CENPU: variants seen among roughly 807,000 people sequenced by gnomAD.
The protein encoded by CENPU is centromere protein U, also known as KSHV latent nuclear antigen interacting protein 1.
In CENPU, 46 loss-of-function variants were observed where a neutral mutation model predicts 56.7. That is an observed-to-expected ratio of 0.81 (90% CI 0.64 to 1.04). The LOEUF is 1.04. Ranked by LOEUF, CENPU falls within the 50% of genes least tolerant of loss-of-function variation. CENPU has a pLI of 0.00. For synonymous variants in CENPU, 166 were observed against 163.0 expected (o/e 1.02, Z -0.14); for missense variants, 510 against 490.1 (o/e 1.04, Z -0.38).
chr4:184,733,332 A>G lies in CENPU; in HGVS notation c.47+684T>C. ...CAGGCAGCCTTCCCAGGCCCGGGGG[A>G]ACTCCTGTTCTCTTCAGATCGTCTT... is the stretch of plus-strand genomic sequence containing the variant. On this transcript the variant is annotated intron_variant, in intron 1 of 12. Transcript: ENST00000281453. The G allele has an allele frequency of 4.1e-6, 4 of 985,996 alleles. 1 individual carries two copies. The South Asian group carries it at 1.9e-4, about 46-fold the overall frequency. 61.1% of individuals were successfully genotyped at this position (985,996 alleles called of 1,614,324 possible).
intron 4 of CENPU, among the ~76,000 whole-genome samples, chr4:184,719,651 C>T (rs1348379044): frequency 1.3e-5 from 2 of 152,180 alleles, no homozygotes; most frequent in African/African-American, 4.8e-5. Flanking sequence ...CCTACTGAGA[C>T]ACCAACTGGT....
rs748627751 is a variant in CENPU, at chr4:184,695,373, A to G, written c.1172T>C (p.Leu391Ser). Residue 391 changes from leucine (L) to serine (S), a missense_variant, in exon 13 of 13, where the codon TTA (leucine) becomes TCA (serine). By Grantham distance (145) the Leu-to-Ser change is moderately radical. Transcript: ENST00000281453. ...TCCCAGAAGTGTTCTTGCTTTAAAT[A>G]ACAGAGCTGGAAGGCTGGATGAATC... ...TYDSSSLPAL[L>S]FKARTLLGAE... 6 of 1,613,140 alleles carry G rather than the reference A, an allele frequency of 3.7e-6. No homozygotes were observed. The East Asian group carries it at 6.7e-5, about 18-fold the overall frequency.
chr4:184,702,582 TTAA>T, intron 8 of CENPU, 141 bp from the exon 9 acceptor site: 1 of 550,162 alleles, frequency 1.8e-6, no homozygotes, highest in Non-Finnish European at 3.1e-6. Context: ...TCTCTTATTT[TTAA>T]TAATCTCAAT....
chr4:184,697,617 A>G, intron 12 of CENPU, 30 bp downstream of exon 12: 2 of 1,607,244 alleles, frequency 1.2e-6, no homozygotes, highest in Non-Finnish European at 1.7e-6. Flanking sequence ...TCATCTTCTG[A>G]AGCATGGTAA....
At chr4:184,714,169 T>C (rs770672334) in intron 6 of CENPU, among the ~76,000 whole-genome samples, 4 of 152,016 alleles carry the variant, frequency 2.6e-5, no homozygotes, top group African/African-American at 4.8e-5. Flanking sequence ...GCCAGTGAAA[T>C]ATCCTTCAAA....
At chr4:184,722,695 C>A (rs1269886422) in intron 4 of CENPU, among the ~76,000 whole-genome samples, 9 of 140,226 alleles carry the variant, frequency 6.4e-5, no homozygotes, top group Non-Finnish European at 1.1e-4. Flanking sequence ...CCAGTAAAAA[C>A]AAAACAAAAC....
chr4:184,719,082 G>A (rs1481898339), intron 4 of CENPU, among the ~76,000 whole-genome samples: 1 of 152,088 alleles, frequency 6.6e-6, no homozygotes, highest in Non-Finnish European at 1.5e-5. Flanking sequence ...AACAGGAGAG[G>A]AAACAGCCAG....
intron 4 of CENPU, among the ~76,000 whole-genome samples, chr4:184,723,061 C>T (rs958337998): frequency 6.6e-6 from 1 of 152,146 alleles, no homozygotes; most frequent in East Asian, 1.9e-4. Flanking sequence ...TGAAATGGCA[C>T]TCCCAGTGGC....
chr4:184,712,956 CT>C lies in CENPU; in HGVS notation c.675del (p.Ala226ProfsTer2). ...SHDKRKKSRS[K>X]AIGSDTSDIV... Reference sequence around the variant, plus strand: ...CATCATTCTCTACCTGAGCCTATGGCTTTACTTCTTGATTTCTTCCTTTTGT... The same window carrying C: ...CATCATTCTCTACCTGAGCCTATGGCTTACTTCTTGATTTCTTCCTTTTGT... On this transcript the variant is annotated frameshift_variant, in exon 7 of 13. Coordinates refer to ENST00000281453, the MANE Select transcript of CENPU (RefSeq NM_024629.4). LOFTEE classifies it high-confidence loss of function. The C allele has an allele frequency of 6.3e-7, 1 of 1,589,372 alleles. No homozygotes were observed. The highest frequency in any genetic ancestry group is 8.6e-7 in the Non-Finnish European group (1 of 1,165,632).
intron 6 of CENPU, among the ~76,000 whole-genome samples, chr4:184,713,683 T>C (rs7656345): frequency 0.96 from 146,446 of 152,170 alleles, 70,708 homozygotes; most frequent in East Asian, 1. Flanking sequence ...TGGGGGAATA[T>C]GGGTGGCAAT....
chr4:184,733,192 A>C (rs1268404002), intron 1 of CENPU: 1 of 265,326 alleles, frequency 3.8e-6, no homozygotes, highest in Non-Finnish European at 5.8e-6. Flanking sequence ...GCACTGGGGG[A>C]GTCTTCATTC....
Position 184,730,928 on chromosome 4 carries a change from T to C in CENPU, c.88A>G (p.Met30Val), listed in dbSNP as rs149721645. 6.3e-7 allele frequency: 1 copy of C among 1,580,802 alleles called. No homozygotes were observed. Among genetic ancestry groups the C allele is most frequent in the Non-Finnish European group, 8.5e-7 (1 of 1,170,604 alleles). The change falls in exon 2 of 13, where the codon ATG becomes GTG. Residue 30 changes from methionine (M) to valine (V), a missense_variant. Coordinates refer to ENST00000281453, the MANE Select transcript of CENPU (RefSeq NM_024629.4). ...ACAAAAAGGTAACTTACATCTTTCA[T>C]GGAATGTGTTCTTTCTAAAGTGTTC... ...SKNTLERTHSMKDKAGQKCKP... is the reference protein window; with the variant it reads ...SKNTLERTHSVKDKAGQKCKP...
At position 184,730,939 on chromosome 4, in the gene CENPU, C is replaced by T. The variant is rs768756518; in HGVS notation, c.77G>A (p.Arg26Lys). ...GARRSKNTLE[R>K]THSMKDKAGQ... ...ACTTACATCTTTCATGGAATGTGTT[C>T]TTTCTAAAGTGTTCTTTGAACGTCT... The change falls in exon 2 of 13, where the codon AGA (arginine) becomes AAA (lysine). Residue 26 changes from arginine to lysine, a missense_variant. Arg to Lys is a conservative substitution (Grantham distance 26). Transcript: ENST00000281453. 1 of 1,581,276 alleles carries T rather than the reference C, an allele frequency of 6.3e-7. No homozygotes were observed. The highest frequency in any genetic ancestry group is 8.5e-7 in the Non-Finnish European group (1 of 1,170,664).
intron 10 of CENPU, among the ~76,000 whole-genome samples, chr4:184,701,430 G>GT (rs1218526493): frequency 6.6e-6 from 1 of 152,136 alleles, no homozygotes; most frequent in African/African-American, 2.4e-5. Context: ...GAAGGAAAAC[G>GT]TATGTATTTC....
intron 1 of CENPU, among the ~76,000 whole-genome samples, chr4:184,731,295 G>A (rs1761637344): frequency 6.6e-6 from 1 of 152,126 alleles, no homozygotes; most frequent in African/African-American, 2.4e-5. Context: ...TCCGGTGCCT[G>A]GCTCTCCTAC....
intron 8 of CENPU, among the ~76,000 whole-genome samples, chr4:184,703,662 G>T (rs1414830808): frequency 6.6e-6 from 1 of 152,098 alleles, no homozygotes; most frequent in Non-Finnish European, 1.5e-5. Context: ...CCTCTTCTAG[G>T]TACATACACA....
intron 4 of CENPU, among the ~76,000 whole-genome samples, chr4:184,721,617 A>T (rs34688967): frequency 0.011 from 1,616 of 146,360 alleles, 8 homozygotes; most frequent in Non-Finnish European, 0.015. Context: ...TATTTCAGAC[A>T]AACTAGATTT....
At chr4:184,702,522 TAC>T in intron 8 of CENPU, 81 bp from the exon 9 acceptor site, 1 of 929,814 alleles carries the variant, frequency 1.1e-6, no homozygotes, top group East Asian at 2.6e-5. Context: ...CAAACAAACA[TAC>T]ACATACAATT....
chr4:184,724,291 A>C (rs886448325), intron 4 of CENPU, among the ~76,000 whole-genome samples: 1 of 152,092 alleles, frequency 6.6e-6, no homozygotes, highest in African/African-American at 2.4e-5. Flanking sequence ...CAAACAACCA[A>C]ACAAAAATAC....
Sources: allele counts gnomAD v4.1 joint callset (sites outside exome capture counted in the v4.1 genomes callset), GRCh38; gene constraint gnomAD v4.1.1; transcripts MANE v1.5; gene names NCBI Gene and HGNC (gene_info 2026-07-23, HGNC 2026-07-21).